Variants in DLG2 observed in about 807,000 individuals in gnomAD.
DLG2 encodes discs large MAGUK scaffold protein 2, also known as disks large homolog 2.
A neutral mutation model predicts 132.5 loss-of-function variants in DLG2; 45 were observed. The observed-to-expected ratio is 0.34, with a 90% CI of 0.27 to 0.44. The LOEUF (loss-of-function observed/expected upper bound fraction) is 0.44, where lower values mean the gene tolerates loss of function less well. DLG2 is among the 20% of genes least tolerant of loss of function. The probability of loss-of-function intolerance (pLI) is 1.00; values close to 1 mark genes in which losing one functional copy is unlikely to be tolerated. For synonymous variants in DLG2, 424 were observed against 419.6 expected, an observed-to-expected ratio of 1.01 and a Z score of -0.13; for missense variants, 1,045 against 1,196.9, an observed-to-expected ratio of 0.87 and a Z score of 1.87.
chr11:84,708,522 T>C (rs899633724), intron 6 of DLG2, among the ~76,000 whole-genome samples: 1 of 151,812 alleles, frequency 6.6e-6, no homozygotes, highest in African/African-American at 2.4e-5. Context: ...GGTTTCCTAT[T>C]TATCTACAGC....
At chr11:84,663,849 A>C (rs1182482108) in intron 6 of DLG2, among the ~76,000 whole-genome samples, 1 of 152,118 alleles carries the variant, frequency 6.6e-6, no homozygotes, top group African/African-American at 2.4e-5. Flanking sequence ...TACTTCAGCC[A>C]ATTCCACTCC....
In DLG2 at chr11:85,331,641, C is replaced by T. The variant is rs182593786; in HGVS notation, c.41-46276G>A. Among the ~76,000 whole-genome samples, 315 of 152,242 alleles carry T rather than the reference C, an allele frequency of 2.1e-3. 4 individuals carry two copies. The highest frequency in any genetic ancestry group is 2.5e-3 in the East Asian group (13 of 5,190). On this transcript the variant is annotated intron_variant, in intron 3 of 27. Transcript: ENST00000376104. ...GCCACCTGCCACCTGAAGTAGTAGG[C>T]CCCGGTGGCTATGATTCCCCTCTTT...
chr11:85,278,328 C>A (rs565788982), intron 4 of DLG2, among the ~76,000 whole-genome samples: 2 of 152,280 alleles, frequency 1.3e-5, no homozygotes, highest in African/African-American at 4.8e-5. Flanking sequence ...TATCTACCAT[C>A]ATGGGTTGCT....
At chr11:83,517,518 A>T (rs1020017404) in intron 21 of DLG2, among the ~76,000 whole-genome samples, 2 of 152,076 alleles carry the variant, frequency 1.3e-5, no homozygotes, top group African/African-American at 4.8e-5. Flanking sequence ...TCTTCTCTCA[A>T]CTCATCGAAG....
At chr11:85,014,227 T>C (rs565392746) in intron 6 of DLG2, among the ~76,000 whole-genome samples, 3 of 152,330 alleles carry the variant, frequency 2.0e-5, no homozygotes, top group Admixed American at 6.5e-5. Context: ...TTTCTACTTG[T>C]GTAAAAGCAG....
intron 7 of DLG2, among the ~76,000 whole-genome samples, chr11:84,419,529 AAC>A (rs1271778836): frequency 6.6e-6 from 1 of 152,204 alleles, no homozygotes; most frequent in Non-Finnish European, 1.5e-5. Flanking sequence ...TTCCATTAAA[AAC>A]ACGTTTGAGA....
At chr11:84,710,084 A>G (rs980301983) in intron 6 of DLG2, among the ~76,000 whole-genome samples, 2 of 151,978 alleles carry the variant, frequency 1.3e-5, no homozygotes, top group Non-Finnish European at 1.5e-5. Context: ...ATAGCAATTA[A>G]TAACTTCCAA....
At chr11:84,596,475 G>A (rs1349144724) in intron 6 of DLG2, among the ~76,000 whole-genome samples, 2 of 150,568 alleles carry the variant, frequency 1.3e-5, no homozygotes, top group African/African-American at 2.4e-5. Context: ...TGCTCACCTC[G>A]GTCTCCCAAA....
chr11:84,194,508 T>G (rs1388067732), intron 8 of DLG2, among the ~76,000 whole-genome samples: 1 of 152,210 alleles, frequency 6.6e-6, no homozygotes, highest in Admixed American at 6.5e-5. Flanking sequence ...TGGCTTGCGC[T>G]GTTGGCTTGG....
intron 6 of DLG2, among the ~76,000 whole-genome samples, chr11:84,714,371 C>T (rs899623895): frequency 6.6e-6 from 1 of 151,996 alleles, no homozygotes; most frequent in Non-Finnish European, 1.5e-5. Context: ...ACTTCTCTGC[C>T]ACAGAGACTG....
intron 3 of DLG2, among the ~76,000 whole-genome samples, chr11:85,387,514 G>T (rs2086444744): frequency 6.6e-6 from 1 of 152,182 alleles, no homozygotes; most frequent in African/African-American, 2.4e-5. Flanking sequence ...TTGAGGAAGG[G>T]CCACAATATG....
At chr11:84,549,750 C>G (rs929806872) in intron 6 of DLG2, among the ~76,000 whole-genome samples, 2 of 152,026 alleles carry the variant, frequency 1.3e-5, no homozygotes, top group African/African-American at 4.8e-5. Context: ...TCCTATTTCT[C>G]TTTTTTTGTT....
intron 7 of DLG2, among the ~76,000 whole-genome samples, chr11:84,380,194 T>C (rs1261251649): frequency 1.3e-5 from 2 of 151,998 alleles, no homozygotes; most frequent in Non-Finnish European, 2.9e-5. Context: ...CTGTAAGTAA[T>C]AAAAGAGGAA....
At chr11:84,786,528 C>T (rs1391023652) in intron 6 of DLG2, among the ~76,000 whole-genome samples, 1 of 152,178 alleles carries the variant, frequency 6.6e-6, no homozygotes, top group Non-Finnish European at 1.5e-5. Flanking sequence ...TAACAAGCTT[C>T]TAAGATAGAG....
At position 85,564,100 on chromosome 11, in the gene DLG2, G is replaced by GT. The variant is rs1044304871; in HGVS notation, c.40+34556dup. Among the ~76,000 whole-genome samples the GT allele has an allele frequency of 3.3e-5, 5 of 152,076 alleles. No individual in the cohort carries two copies. The East Asian group carries it at 5.8e-4, about 18-fold the overall frequency. ...CATTAGAATATCTTGTTTTCAAAAAGTTTTTTCCATTATTACATGGTTTGC... is the reference window on the plus strand; with the variant it reads ...CATTAGAATATCTTGTTTTCAAAAAGTTTTTTTCCATTATTACATGGTTTGC... On this transcript the variant is annotated intron_variant, in intron 3 of 27. Coordinates refer to ENST00000376104, the MANE Select transcript of DLG2 (RefSeq NM_001142699.3).
intron 3 of DLG2, among the ~76,000 whole-genome samples, chr11:85,447,584 T>A (rs1157159873): frequency 1.3e-5 from 2 of 152,194 alleles, no homozygotes; most frequent in Non-Finnish European, 2.9e-5. Flanking sequence ...TCTTGGAATA[T>A]TAGCTTCAAG....
At chr11:83,535,459 A>T (rs1156525827) in intron 20 of DLG2, among the ~76,000 whole-genome samples, 1 of 151,894 alleles carries the variant, frequency 6.6e-6, no homozygotes, top group African/African-American at 2.4e-5. Context: ...CTGCACCCCA[A>T]CCCCATTTCT....
intron 6 of DLG2, among the ~76,000 whole-genome samples, chr11:84,594,400 G>A (rs575113018): frequency 3.9e-5 from 6 of 152,204 alleles, no homozygotes; most frequent in African/African-American, 1.4e-4. Flanking sequence ...AGACAATAGA[G>A]GTGACTATTC....
intron 6 of DLG2, among the ~76,000 whole-genome samples, chr11:84,986,801 CAT>C (rs1339461609): frequency 6.6e-6 from 1 of 152,082 alleles, no homozygotes; most frequent in Non-Finnish European, 1.5e-5. Context: ...CCATGGCCAA[CAT>C]AATACTGAAT....
Sources: gnomAD v4.1 joint callset for allele counts (sites outside exome capture counted in the v4.1 genomes callset) on GRCh38, gnomAD v4.1.1 for gene constraint, MANE v1.5 for transcripts, NCBI Gene and HGNC (gene_info 2026-07-23, HGNC 2026-07-21) for gene names.